The following PDE4D variants were observed in gnomAD, a reference collection of about 807,000 sequenced individuals.
The protein encoded by PDE4D is phosphodiesterase 4D, also known as 3',5'-cyclic-AMP phosphodiesterase 4D.
Under a neutral mutation model 87.4 loss-of-function variants are expected in PDE4D, and 24 were observed. The observed-to-expected ratio is 0.27, with a 90% CI of 0.20 to 0.39. PDE4D has a LOEUF of 0.39. Ranked by LOEUF, PDE4D falls within the 10% of genes least tolerant of loss-of-function variation. The pLI is 1.00. For missense variants in PDE4D, 714 were observed against 1,041.0 expected, an observed-to-expected ratio of 0.69 and a Z score of 4.32; for synonymous variants, 384 against 383.2, an observed-to-expected ratio of 1.00 and a Z score of -0.02.
At chr5:60,291,352 G>A (rs1752876593) in intron 1 of PDE4D, among the ~76,000 whole-genome samples, 1 of 152,086 alleles carries the variant, frequency 6.6e-6, no homozygotes, top group Non-Finnish European at 1.5e-5. Context: ...GGTAATAAAA[G>A]TGTAAGATTC....
intron 3 of PDE4D, among the ~76,000 whole-genome samples, chr5:59,914,334 G>A (rs1024426865): frequency 2.6e-4 from 40 of 152,162 alleles, no homozygotes; most frequent in Non-Finnish European, 5.6e-4. Flanking sequence ...AGGGAGGTAT[G>A]CAATTTTACA....
intron 2 of PDE4D, among the ~76,000 whole-genome samples, chr5:59,206,211 T>G (rs957925161): frequency 2.0e-5 from 3 of 152,158 alleles, no homozygotes; most frequent in Non-Finnish European, 2.9e-5. Flanking sequence ...CTGGTGTGAA[T>G]CATACCACAG....
At chr5:59,903,390 C>G (rs1752486986) in intron 3 of PDE4D, among the ~76,000 whole-genome samples, 1 of 151,904 alleles carries the variant, frequency 6.6e-6, no homozygotes, top group Non-Finnish European at 1.5e-5. Flanking sequence ...ATCTCAGGTT[C>G]TTCAAACTGT....
At chr5:59,408,589 G>T (rs1792110838) in intron 1 of PDE4D, among the ~76,000 whole-genome samples, 1 of 152,142 alleles carries the variant, frequency 6.6e-6, no homozygotes, top group Admixed American at 6.5e-5. Flanking sequence ...AGATCCACTG[G>T]CAGCTTGCAT....
At chr5:59,036,532 C>A (rs1758530502) in intron 6 of PDE4D, among the ~76,000 whole-genome samples, 1 of 152,218 alleles carries the variant, frequency 6.6e-6, no homozygotes, top group Admixed American at 6.5e-5. Flanking sequence ...CAGGGGCCTT[C>A]CGATCAGCTG....
chr5:60,291,780 A>G (rs1752921457), intron 1 of PDE4D, among the ~76,000 whole-genome samples: 1 of 152,172 alleles, frequency 6.6e-6, no homozygotes, highest in African/African-American at 2.4e-5. Flanking sequence ...TGAAAAATAA[A>G]TTGGGAAAAG....
At chr5:59,323,596 T>G (rs1775099561) in intron 1 of PDE4D, among the ~76,000 whole-genome samples, 1 of 152,060 alleles carries the variant, frequency 6.6e-6, no homozygotes, top group Non-Finnish European at 1.5e-5. Context: ...CTCTTACCTA[T>G]TAACCAAGTC....
At chr5:60,322,404 ACACACAC>A (rs1756381004) in intron 1 of PDE4D, among the ~76,000 whole-genome samples, 2 of 141,380 alleles carry the variant, frequency 1.4e-5, no homozygotes, top group Non-Finnish European at 3.2e-5. Context: ...ACACACACAC[ACACACAC>A]ACACAAAACC....
At chr5:59,359,478 A>G (rs1781876908) in intron 1 of PDE4D, among the ~76,000 whole-genome samples, 1 of 152,178 alleles carries the variant, frequency 6.6e-6, no homozygotes, top group Non-Finnish European at 1.5e-5. Context: ...AGGTCATAGA[A>G]ATAAGCTACT....
intron 1 of PDE4D, among the ~76,000 whole-genome samples, chr5:59,511,281 A>C (rs1299173212): frequency 6.6e-6 from 1 of 151,996 alleles, no homozygotes; most frequent in Non-Finnish European, 1.5e-5. Flanking sequence ...AGTAATCAAA[A>C]TGATACATGA....
chr5:59,542,073 T>C (rs891295010), intron 1 of PDE4D, among the ~76,000 whole-genome samples: 1 of 152,130 alleles, frequency 6.6e-6, no homozygotes, highest in African/African-American at 2.4e-5. Flanking sequence ...TGCCGGGCCC[T>C]CTTATGCCCT....
At chr5:59,886,516 A>T (rs1381444937) in intron 1 of PDE4D, among the ~76,000 whole-genome samples, 3 of 151,838 alleles carry the variant, frequency 2.0e-5, no homozygotes, top group African/African-American at 7.2e-5. Flanking sequence ...AATAAAAAAT[A>T]AAAATAAAAA....
intron 1 of PDE4D, among the ~76,000 whole-genome samples, chr5:59,734,339 C>A (rs2150626071): frequency 6.6e-6 from 1 of 152,082 alleles, no homozygotes; most frequent in Middle Eastern, 3.4e-3. Context: ...CAAATATATA[C>A]AGAAAATTAC....
intron 1 of PDE4D, among the ~76,000 whole-genome samples, chr5:59,261,133 A>T (rs1279813833): frequency 6.6e-6 from 1 of 151,862 alleles, no homozygotes; most frequent in Admixed American, 6.6e-5. Flanking sequence ...TGTTGTAAAC[A>T]GGTTTTCCAT....
intron 2 of PDE4D, chr5:59,215,548 C>T: frequency 4.8e-6 from 2 of 412,980 alleles, no homozygotes; most frequent in Non-Finnish European, 8.3e-6. Context: ...AAAATAAATA[C>T]ATGCGTGTGT....
chr5:59,969,144 A>G (rs572146015), intron 3 of PDE4D, among the ~76,000 whole-genome samples: 1 of 152,328 alleles, frequency 6.6e-6, no homozygotes, highest in Non-Finnish European at 1.5e-5. Flanking sequence ...ATATTACTGC[A>G]TGTGCAACTA....
intron 1 of PDE4D, among the ~76,000 whole-genome samples, chr5:59,313,344 T>A (rs928389746): frequency 6.6e-6 from 1 of 152,118 alleles, no homozygotes; most frequent in African/African-American, 2.4e-5. Flanking sequence ...TCCCTGGCAA[T>A]GTCTAAATGC....
intron 2 of PDE4D, among the ~76,000 whole-genome samples, chr5:60,172,538 G>A (rs191469086): frequency 6.6e-6 from 1 of 152,054 alleles, no homozygotes; most frequent in East Asian, 1.9e-4. Flanking sequence ...TCCCTGTTTT[G>A]TCTCTAGGAG....
intron 1 of PDE4D, among the ~76,000 whole-genome samples, chr5:59,813,665 G>A (rs1174344253): frequency 6.6e-6 from 1 of 152,134 alleles, no homozygotes; most frequent in Non-Finnish European, 1.5e-5. Flanking sequence ...GAGTCTAGCA[G>A]GGGAAAATAC....
Sources: allele counts gnomAD v4.1 joint callset (sites outside exome capture counted in the v4.1 genomes callset), GRCh38; gene constraint gnomAD v4.1.1; transcripts MANE v1.5; gene names NCBI Gene and HGNC (gene_info 2026-07-23, HGNC 2026-07-21).